Variants in ZNF560 observed in about 807,000 individuals in gnomAD.
ZNF560 encodes zinc finger protein 560.
A neutral mutation model predicts 81.8 loss-of-function variants in ZNF560; 54 were observed. That is an observed-to-expected ratio of 0.66 (90% CI 0.53 to 0.83). The LOEUF (loss-of-function observed/expected upper bound fraction) is 0.83. ZNF560 is among the 40% of genes least tolerant of loss of function. ZNF560 has a pLI of 0.00. For synonymous variants in ZNF560, 321 were observed against 317.9 expected (o/e 1.01, Z -0.10); for missense variants, 940 against 932.4 (o/e 1.01, Z -0.11).
chr19:9,486,085 C>A (rs1450122167), intron 2 of ZNF560, among the ~76,000 whole-genome samples: 3 of 152,188 alleles, frequency 2.0e-5, no homozygotes, highest in Non-Finnish European at 4.4e-5. Context: ...GAGCCCAATT[C>A]TATTGCCAGG....
intron 2 of ZNF560, among the ~76,000 whole-genome samples, chr19:9,483,519 C>T (rs1387072798): frequency 4.2e-5 from 6 of 144,038 alleles, no homozygotes; most frequent in Non-Finnish European, 7.7e-5. Context: ...CCAGCCGCCC[C>T]GTCCGGGAGG....
chr19:9,485,310 A>G (rs2073367389), intron 2 of ZNF560, among the ~76,000 whole-genome samples: 1 of 152,124 alleles, frequency 6.6e-6, no homozygotes, highest in Non-Finnish European at 1.5e-5. Context: ...ACAGCACATT[A>G]AAATTATCAT....
At chr19:9,458,030 C>T in the ZNF560 span, among the ~76,000 whole-genome samples, 10 of 152,270 alleles carry the variant, frequency 6.6e-5, no homozygotes, top group Admixed American at 3.3e-4. Context: ...GATCTTGTGG[C>T]GTAGCTTTTC....
chr19:9,495,441 C>T (rs930588405), intron 2 of ZNF560, among the ~76,000 whole-genome samples: 4 of 152,074 alleles, frequency 2.6e-5, no homozygotes, highest in African/African-American at 9.7e-5. Flanking sequence ...AGTAGTAGCT[C>T]ACGGCTGCAA....
chr19:9,502,649 G>T (rs146576303), upstream of ZNF560, among the ~76,000 whole-genome samples: 41 of 152,204 alleles, frequency 2.7e-4, no homozygotes, highest in African/African-American at 9.4e-4. Context: ...TCTTGTTATA[G>T]GTCTCTTGAG....
At chr19:9,447,978 A>T in the ZNF560 span, among the ~76,000 whole-genome samples, 2 of 152,338 alleles carry the variant, frequency 1.3e-5, no homozygotes, top group East Asian at 3.9e-4. Flanking sequence ...CACATCAGGT[A>T]CAAAGGGAAT....
chr19:9,480,325 T>A (rs2073266844), intron 2 of ZNF560, among the ~76,000 whole-genome samples: 1 of 151,674 alleles, frequency 6.6e-6, no homozygotes, highest in African/African-American at 2.4e-5. Flanking sequence ...AAAATAGAAA[T>A]CAACAATAGG....
Position 9,498,553 on chromosome 19 carries a change from C to G in ZNF560, c.-160G>C, listed in dbSNP as rs1032018568. 2.0e-5 allele frequency: 3 copies of G among 152,246 alleles called. No homozygotes were observed. The highest frequency in any genetic ancestry group is 4.4e-5 in the Non-Finnish European group (3 of 68,076). The allele number at this position is 152,246 out of a possible 1,614,324, so 9.4% of individuals were successfully genotyped here. ...CGAGCCTCACCAAAGTAGTGAACGA[C>G]CAGACAACACAAAGGAAAAAGTGGC... On this transcript the variant is annotated 5_prime_UTR_variant, in exon 1 of 10. Coordinates refer to ENST00000301480, the MANE Select transcript of ZNF560 (RefSeq NM_152476.3).
upstream of ZNF560, among the ~76,000 whole-genome samples, chr19:9,499,660 A>C (rs1163273208): frequency 1.3e-5 from 2 of 152,238 alleles, no homozygotes; most frequent in East Asian, 3.8e-4. Flanking sequence ...GACTTGTGGT[A>C]GAGATTTAGT....
chr19:9,471,416 T>TTAAA, intron 5 of ZNF560, 38 bp from the exon 6 acceptor site: 1 of 1,279,600 alleles, frequency 7.8e-7, no homozygotes, highest in South Asian at 1.5e-5. Context: ...TTTTTTTTTT[T>TTAAA]AAAAAAAAAG....
At chr19:9,472,393 A>T (rs1599654772) in intron 5 of ZNF560, among the ~76,000 whole-genome samples, 1 of 152,214 alleles carries the variant, frequency 6.6e-6, no homozygotes, top group Admixed American at 6.5e-5. Flanking sequence ...GAGTGGCAGG[A>T]GAGCAAGTGA....
At chr19:9,463,082 CCTAGA>C (rs1393483544), downstream of ZNF560, among the ~76,000 whole-genome samples, 3 of 152,128 alleles carry the variant, frequency 2.0e-5, no homozygotes, top group Non-Finnish European at 2.9e-5. Context: ...GTATTTTCTG[CCTAGA>C]CAAGACATAA....
rs777925702 is a variant in ZNF560, at chr19:9,467,016, A to T, written c.1931T>A (p.Val644Asp). The change falls in exon 10 of 10, where the codon GTT becomes GAT. Residue 644 changes from valine (V) to aspartate (D), a missense_variant. Physicochemically the swap from Val to Asp is radical, Grantham distance 152. Transcript: ENST00000301480. ...GKAFVVSSSL[V>D]DHLRTHTGYK... is the part of the protein sequence containing the mutation. ...TCCAGTGTGAGTTCTTAAATGATCAACTAGACTGGAGGAGACAACAAAGGC... is the reference window on the plus strand; with the variant it reads ...TCCAGTGTGAGTTCTTAAATGATCATCTAGACTGGAGGAGACAACAAAGGC... 34 of 1,613,832 alleles carry T rather than the reference A, an allele frequency of 2.1e-5. No homozygotes were observed. In the Admixed American group the frequency reaches 2.7e-4, roughly 13 times the overall value.
At chr19:9,480,179 C>G (rs1415971060) in intron 2 of ZNF560, among the ~76,000 whole-genome samples, 1 of 152,168 alleles carries the variant, frequency 6.6e-6, no homozygotes, top group Admixed American at 6.5e-5. Context: ...ACATTCTTCT[C>G]AAGTGCACAC....
the ZNF560 span, among the ~76,000 whole-genome samples, chr19:9,447,578 A>T: frequency 3.3e-5 from 5 of 152,278 alleles, no homozygotes; most frequent in Non-Finnish European, 5.9e-5. Context: ...TTTTAAAATA[A>T]AATTGAAAGC....
intron 2 of ZNF560, among the ~76,000 whole-genome samples, chr19:9,482,739 T>C (rs1186828403): frequency 2.0e-5 from 3 of 146,628 alleles, no homozygotes; most frequent in African/African-American, 7.5e-5. Context: ...ACTGCCACCA[T>C]CTCTGCTCAC....
intron 2 of ZNF560, among the ~76,000 whole-genome samples, chr19:9,480,211 CA>C (rs1470282267): frequency 1.3e-5 from 2 of 152,116 alleles, no homozygotes; most frequent in African/African-American, 4.8e-5. Context: ...CAAGATAGAT[CA>C]TATGTTAGGT....
Position 9,469,744 on chromosome 19 carries a change from G to C in ZNF560, c.449-34C>G, listed in dbSNP as rs543520290. On this transcript the variant is annotated intron_variant, in intron 7 of 9. Transcript: ENST00000301480. Reference sequence around the variant, plus strand: ...AGGGAAAGATACACCAATGGAAGAGGCTCATGCAAGAAATGGCAAACTTTT... The same window carrying C: ...AGGGAAAGATACACCAATGGAAGAGCCTCATGCAAGAAATGGCAAACTTTT... 17 of 1,593,848 alleles carry C rather than the reference G, an allele frequency of 1.1e-5. No homozygotes were observed. The African/African-American group carries it at 2.3e-4, about 21-fold the overall frequency.
At position 9,468,347 on chromosome 19, in the gene ZNF560, G is replaced by A. The variant is rs531818834; in HGVS notation, c.613-13C>T. The A allele has an allele frequency of 6.4e-7, 1 of 1,559,854 alleles. No individual in the cohort carries two copies. The highest frequency in any genetic ancestry group is 2.0e-5 in the Admixed American group (1 of 49,466). ...TTTGGTTTCTTGCCTGTTAACACAGGAATGAACAATAAAGGAAGCATTTTA... is the reference window on the plus strand; with the variant it reads ...TTTGGTTTCTTGCCTGTTAACACAGAAATGAACAATAAAGGAAGCATTTTA... On this transcript the variant is annotated splice_polypyrimidine_tract_variant and intron_variant, in intron 9 of 9. Coordinates refer to ENST00000301480, the MANE Select transcript of ZNF560 (RefSeq NM_152476.3).
Sources: allele counts gnomAD v4.1 joint callset (sites outside exome capture counted in the v4.1 genomes callset), GRCh38; gene constraint gnomAD v4.1.1; transcripts MANE v1.5; gene names NCBI Gene and HGNC (gene_info 2026-07-23, HGNC 2026-07-21).